Variants in ADAMTSL1 observed in about 807,000 individuals in gnomAD.
ADAMTSL1 encodes the protein ADAMTS like 1, also known as ADAMTS-like protein 1.
Under a neutral mutation model 201.8 loss-of-function variants are expected in ADAMTSL1, and 126 were observed. The observed-to-expected ratio is 0.62, with a 90% confidence interval of 0.54 to 0.72. The LOEUF (loss-of-function observed/expected upper bound fraction) is 0.72. ADAMTSL1 is among the 30% of genes least tolerant of loss of function. ADAMTSL1 has a pLI of 0.00. For missense variants in ADAMTSL1, 2,679 were observed against 2,277.8 expected, an observed-to-expected ratio of 1.18 and a Z score of -3.59; for synonymous variants, 1,121 against 903.4, an observed-to-expected ratio of 1.24 and a Z score of -4.32.
At chr9:18,867,870 C>G (rs986025039) in intron 23 of ADAMTSL1, among the ~76,000 whole-genome samples, 3 of 152,174 alleles carry the variant, frequency 2.0e-5, no homozygotes, top group Non-Finnish European at 4.4e-5. Context: ...TCGTGATCCA[C>G]CCACCTCTGC....
At chr9:18,703,408 T>C (rs1440625964) in intron 13 of ADAMTSL1, among the ~76,000 whole-genome samples, 2 of 152,112 alleles carry the variant, frequency 1.3e-5, no homozygotes, top group African/African-American at 2.4e-5. Flanking sequence ...TATTTTTCTT[T>C]TGAAACATAA....
intron 23 of ADAMTSL1, among the ~76,000 whole-genome samples, chr9:18,873,235 C>G (rs1302072238): frequency 2.0e-5 from 3 of 152,172 alleles, no homozygotes; most frequent in Non-Finnish European, 2.9e-5. Context: ...AAGATTTTCT[C>G]CCACTCTGCG....
chr9:18,694,135 G>A (rs114077973), intron 13 of ADAMTSL1, among the ~76,000 whole-genome samples: 123 of 152,184 alleles, frequency 8.1e-4, no homozygotes, highest in African/African-American at 2.9e-3. Flanking sequence ...TCACCATCAC[G>A]AGAACAGCAA....
intron 1 of ADAMTSL1, among the ~76,000 whole-genome samples, chr9:17,961,152 C>T (rs1254955055): frequency 6.6e-6 from 1 of 152,088 alleles, no homozygotes; most frequent in African/African-American, 2.4e-5. Flanking sequence ...TTGGGCTCTA[C>T]CAAGTAATTA....
At chr9:18,014,113 C>T (rs1820161298) in intron 1 of ADAMTSL1, among the ~76,000 whole-genome samples, 1 of 151,948 alleles carries the variant, frequency 6.6e-6, no homozygotes, top group South Asian at 2.1e-4. Context: ...TTTAAGTATA[C>T]TTTTTCACAT....
At chr9:18,333,232 C>T (rs1249131348) in intron 2 of ADAMTSL1, among the ~76,000 whole-genome samples, 1 of 151,966 alleles carries the variant, frequency 6.6e-6, no homozygotes, top group Non-Finnish European at 1.5e-5. Context: ...AATGGCAATC[C>T]CCATAATTTC....
At chr9:18,498,668 G>T (rs758698086) in intron 1 of ADAMTSL1, among the ~76,000 whole-genome samples, 1 of 152,098 alleles carries the variant, frequency 6.6e-6, no homozygotes, top group Non-Finnish European at 1.5e-5. Context: ...CTGGCTTAAC[G>T]AGATCTGACA....
chr9:18,395,610 G>C (rs994602825), intron 2 of ADAMTSL1, among the ~76,000 whole-genome samples: 1 of 152,182 alleles, frequency 6.6e-6, no homozygotes, highest in Non-Finnish European at 1.5e-5. Flanking sequence ...TATAGAATCT[G>C]TTCTGGAGCT....
intron 2 of ADAMTSL1, among the ~76,000 whole-genome samples, chr9:18,164,909 A>C (rs1356231753): frequency 6.6e-6 from 1 of 151,658 alleles, no homozygotes; most frequent in African/African-American, 2.4e-5. Flanking sequence ...GGCACTTCTT[A>C]TTGTTTTTGT....
At chr9:18,907,151 C>G in intron 28 of ADAMTSL1, 2 of 537,026 alleles carry the variant, frequency 3.7e-6, no homozygotes, top group Non-Finnish European at 6.6e-6. Flanking sequence ...CTGAGAGAGC[C>G]AGGTGCTATT....
chr9:18,882,448 T>C (rs942499092), intron 23 of ADAMTSL1, among the ~76,000 whole-genome samples: 2 of 152,338 alleles, frequency 1.3e-5, no homozygotes, highest in African/African-American at 4.8e-5. Context: ...TTTGCCTTCA[T>C]ACACATATAG....
chr9:18,239,983 A>C lies in ADAMTSL1; in HGVS notation c.207+76002A>C, dbSNP rs59748092. ...TCCACTGAAGTCTTGATGTTCTCAA[A>C]GTCATCCATTAGGGTTGGCATCAAC... On this transcript the variant is annotated intron_variant, in intron 2 of 29. Transcript: ENST00000680146. Among the ~76,000 whole-genome samples, 1,475 of 152,288 alleles carry C rather than the reference A, an allele frequency of 9.7e-3. 20 individuals are homozygous for C. The highest frequency in any genetic ancestry group is 0.033 in the African/African-American group (1,379 of 41,568).
chr9:18,902,280 C>T (rs920953237), intron 26 of ADAMTSL1, among the ~76,000 whole-genome samples: 4 of 152,160 alleles, frequency 2.6e-5, no homozygotes, highest in African/African-American at 9.7e-5. Context: ...ATACAGAGGA[C>T]TCCACCCAAT....
intron 23 of ADAMTSL1, among the ~76,000 whole-genome samples, chr9:18,848,417 C>A (rs1174750371): frequency 6.6e-6 from 1 of 152,194 alleles, no homozygotes; most frequent in Non-Finnish European, 1.5e-5. Flanking sequence ...ATTCAAGGTT[C>A]TTTGCTATTC....
chr9:18,612,178 G>A (rs915757201), intron 4 of ADAMTSL1, among the ~76,000 whole-genome samples: 1 of 150,508 alleles, frequency 6.6e-6, no homozygotes, highest in Non-Finnish European at 1.5e-5. Flanking sequence ...CAATTCTGGA[G>A]TAGTGGGTGA....
chr9:18,421,245 T>G (rs951047688), intron 2 of ADAMTSL1, among the ~76,000 whole-genome samples: 16 of 152,226 alleles, frequency 1.1e-4, no homozygotes, highest in Non-Finnish European at 1.9e-4. Context: ...ATAAAAGTAA[T>G]ATCCCATTGG....
intron 15 of ADAMTSL1, among the ~76,000 whole-genome samples, chr9:18,752,164 T>A (rs1819505524): frequency 6.6e-6 from 1 of 150,480 alleles, no homozygotes. Context: ...CCATGGGGCA[T>A]AACTGGAGAA....
chr9:18,760,853 G>A (rs1820034923), intron 16 of ADAMTSL1, among the ~76,000 whole-genome samples: 1 of 152,206 alleles, frequency 6.6e-6, no homozygotes, highest in South Asian at 2.1e-4. Context: ...CCTGGAAACT[G>A]CTCATGTGTC....
At chr9:18,050,871 T>A (rs930157710) in intron 1 of ADAMTSL1, among the ~76,000 whole-genome samples, 2 of 152,184 alleles carry the variant, frequency 1.3e-5, no homozygotes, top group African/African-American at 2.4e-5. Flanking sequence ...GAAATCCTTT[T>A]CAAACCTTGT....
Sources: allele counts gnomAD v4.1 joint callset (sites outside exome capture counted in the v4.1 genomes callset), GRCh38; gene constraint gnomAD v4.1.1; transcripts MANE v1.5; gene names NCBI Gene and HGNC (gene_info 2026-07-23, HGNC 2026-07-21).